Variants in LOC112694756 observed in about 807,000 individuals in gnomAD.
the LOC112694756 span, among the ~76,000 whole-genome samples, chr16:30,065,310 G>C: frequency 6.6e-6 from 1 of 152,218 alleles, no homozygotes; most frequent in African/African-American, 2.4e-5. Flanking sequence ...TGCGCGATGT[G>C]GCCCCTATGG....
the LOC112694756 span, chr16:30,070,222 T>C: frequency 6.2e-7 from 1 of 1,613,912 alleles, no homozygotes; most frequent in Non-Finnish European, 8.5e-7. Context: ...AGCGGAGGTG[T>C]TCCCAGGCTG....
At chr16:30,062,842 GAAAA>G in the LOC112694756 span, among the ~76,000 whole-genome samples, 1 of 117,678 alleles carries the variant, frequency 8.5e-6, no homozygotes. Flanking sequence ...CTCCATCTCG[GAAAA>G]AAAAAAAAAA....
chr16:30,057,534 T>TG, the LOC112694756 span, among the ~76,000 whole-genome samples: 1 of 152,180 alleles, frequency 6.6e-6, no homozygotes, highest in Non-Finnish European at 1.5e-5. Context: ...GCAAAGCCCC[T>TG]GCCCTTGGAG....
the LOC112694756 span, among the ~76,000 whole-genome samples, chr16:30,058,489 T>G: frequency 6.6e-6 from 1 of 151,894 alleles, no homozygotes; most frequent in African/African-American, 2.4e-5. Flanking sequence ...TTTTTTTCTT[T>G]TTTCTTTTTT....
chr16:30,069,770 C>T, the LOC112694756 span: 2 of 1,612,248 alleles, frequency 1.2e-6, no homozygotes, highest in Non-Finnish European at 1.7e-6. Flanking sequence ...CTTCCACCAG[C>T]TCCTGCCAGC....
the LOC112694756 span, chr16:30,070,076 CG>C: frequency 1.9e-6 from 3 of 1,613,220 alleles, no homozygotes; most frequent in Non-Finnish European, 2.5e-6. Flanking sequence ...GGATGGGACT[CG>C]GAGAAGAGCC....
chr16:30,067,244 C>T, the LOC112694756 span: 2 of 1,612,276 alleles, frequency 1.2e-6, no homozygotes, highest in Non-Finnish European at 1.7e-6. Context: ...GAACTTGCTA[C>T]TACCAGCACC....
the LOC112694756 span, chr16:30,070,129 G>T: frequency 1.9e-6 from 3 of 1,614,096 alleles, no homozygotes; most frequent in East Asian, 2.2e-5. Flanking sequence ...CAACAGCCTT[G>T]CCTGTCAAGG....
At chr16:30,054,240 A>G in the LOC112694756 span, among the ~76,000 whole-genome samples, 1 of 150,858 alleles carries the variant, frequency 6.6e-6, no homozygotes, top group Non-Finnish European at 1.5e-5. Flanking sequence ...GAATCGCTTG[A>G]ACCCGGGTGG....
At chr16:30,068,924 C>T in the LOC112694756 span, 20 of 1,614,104 alleles carry the variant, frequency 1.2e-5, no homozygotes, top group South Asian at 2.2e-5. Flanking sequence ...CCTCAGCCCT[C>T]GCCATCATGG....
chr16:30,054,907 C>T, the LOC112694756 span: 1 of 399,160 alleles, frequency 2.5e-6, no homozygotes, highest in Non-Finnish European at 4.4e-6. Flanking sequence ...TCTAGTCCTG[C>T]TGACTAGGAA....
chr16:30,068,337 T>TA, the LOC112694756 span: 27 of 387,350 alleles, frequency 7.0e-5, no homozygotes, highest in African/African-American at 5.6e-4. Flanking sequence ...GTGCTGGGAT[T>TA]ACAGGCGTGA....
the LOC112694756 span, among the ~76,000 whole-genome samples, chr16:30,062,371 A>T: frequency 1.3e-5 from 2 of 151,838 alleles, no homozygotes; most frequent in Non-Finnish European, 2.9e-5. Flanking sequence ...ACAAAAAAAT[A>T]CAAAAAATGA....
the LOC112694756 span, among the ~76,000 whole-genome samples, chr16:30,059,470 G>A: frequency 1.3e-5 from 2 of 151,574 alleles, no homozygotes; most frequent in Non-Finnish European, 2.9e-5. Context: ...CTGCACTCCA[G>A]CCTGGGAGAC....
chr16:30,053,993 A>G, the LOC112694756 span, among the ~76,000 whole-genome samples: 8 of 152,162 alleles, frequency 5.3e-5, no homozygotes, highest in South Asian at 4.1e-4. Context: ...ATGCCGCTGC[A>G]CTCCAGCCTG....
the LOC112694756 span, chr16:30,066,743 T>G: frequency 1.1e-6 from 1 of 902,638 alleles, no homozygotes; most frequent in Non-Finnish European, 1.7e-6. Flanking sequence ...GGTTCTAATC[T>G]CAGATCTGGC....
chr16:30,070,206 C>G, the LOC112694756 span: 1 of 1,614,130 alleles, frequency 6.2e-7, no homozygotes, highest in Non-Finnish European at 8.5e-7. Context: ...CTAACCACGC[C>G]TATTAAGCGG....
the LOC112694756 span, chr16:30,068,799 C>T: frequency 1.2e-6 from 2 of 1,614,094 alleles, no homozygotes; most frequent in African/African-American, 1.3e-5. Flanking sequence ...CGTGCTCTGA[C>T]CCCTTCCTCT....
chr16:30,055,765 C>T, the LOC112694756 span, among the ~76,000 whole-genome samples: 2 of 151,954 alleles, frequency 1.3e-5, no homozygotes, highest in South Asian at 4.2e-4. Flanking sequence ...CCCTCCAGAG[C>T]TGGGTCCTCC....
Sources: allele counts gnomAD v4.1 joint callset (sites outside exome capture counted in the v4.1 genomes callset), GRCh38; gene constraint gnomAD v4.1.1; transcripts MANE v1.5.